The following GPC6 variants were observed in gnomAD, a reference collection of about 807,000 sequenced individuals.
GPC6 encodes glypican 6.
GPC6 carries 14 observed loss-of-function variants against 55.2 expected under a neutral mutation model. The ratio of observed to expected loss-of-function variants is 0.25; its 90% CI spans 0.17 to 0.40. The LOEUF (loss-of-function observed/expected upper bound fraction) is 0.40. Ranked by LOEUF, GPC6 falls within the 10% of genes least tolerant of loss-of-function variation. The pLI is 1.00. For synonymous variants in GPC6, 278 were observed against 259.6 expected, an observed-to-expected ratio of 1.07 and a Z score of -0.68; for missense variants, 641 against 708.5, an observed-to-expected ratio of 0.90 and a Z score of 1.08.
intron 1 of GPC6, among the ~76,000 whole-genome samples, chr13:93,540,128 G>A (rs1325657517): frequency 6.6e-6 from 1 of 152,174 alleles, no homozygotes; most frequent in African/African-American, 2.4e-5. Context: ...GAATGTTTAC[G>A]TGTAACAGCA....
chr13:93,627,311 T>A (rs970155931), intron 2 of GPC6, among the ~76,000 whole-genome samples: 2 of 152,188 alleles, frequency 1.3e-5, no homozygotes, highest in East Asian at 3.9e-4. Flanking sequence ...GCTTCATCCA[T>A]GTCCCTGCAA....
intron 2 of GPC6, among the ~76,000 whole-genome samples, chr13:93,784,802 G>C (rs1041344969): frequency 1.3e-5 from 2 of 152,164 alleles, no homozygotes; most frequent in African/African-American, 4.8e-5. Flanking sequence ...GGCTGATTGT[G>C]ATATGGTGCC....
At chr13:93,329,724 G>A (rs905760385) in intron 1 of GPC6, among the ~76,000 whole-genome samples, 22 of 151,952 alleles carry the variant, frequency 1.4e-4, no homozygotes, top group Admixed American at 7.9e-4. Context: ...CTGAAACACC[G>A]CAAGCGTAAG....
At chr13:93,873,806 G>C (rs1048899711) in intron 3 of GPC6, among the ~76,000 whole-genome samples, 1 of 151,896 alleles carries the variant, frequency 6.6e-6, no homozygotes, top group African/African-American at 2.4e-5. Flanking sequence ...ATTCTAGTAA[G>C]GCCTCACTAT....
chr13:93,777,256 C>T (rs528976001), intron 2 of GPC6, among the ~76,000 whole-genome samples: 51 of 152,284 alleles, frequency 3.3e-4, no homozygotes, highest in African/African-American at 1.1e-3. Flanking sequence ...TGTTTTCTTA[C>T]GTTCTCCACT....
chr13:93,221,244 T>C, the GPC6 span, among the ~76,000 whole-genome samples: 4 of 152,212 alleles, frequency 2.6e-5, no homozygotes, highest in Admixed American at 1.3e-4. Context: ...TAGGTAACGA[T>C]GAGTAAATCT....
intron 2 of GPC6, among the ~76,000 whole-genome samples, chr13:93,619,897 G>C (rs1878879471): frequency 6.6e-6 from 1 of 151,686 alleles, no homozygotes; most frequent in Non-Finnish European, 1.5e-5. Flanking sequence ...TTTGATATAA[G>C]GCATGAAAAT....
intron 2 of GPC6, among the ~76,000 whole-genome samples, chr13:93,828,611 C>T (rs1457836544): frequency 6.6e-6 from 1 of 152,014 alleles, no homozygotes; most frequent in Non-Finnish European, 1.5e-5. Context: ...CTTTATTTTA[C>T]ATTTAGTAAA....
At chr13:93,529,560 G>A (rs145902341) in intron 1 of GPC6, among the ~76,000 whole-genome samples, 2,045 of 120,350 alleles carry the variant, frequency 0.017, 39 homozygotes, top group African/African-American at 0.061. Context: ...CTGTCACCCC[G>A]GCTGGAGTGT....
chr13:93,720,843 C>T (rs1883431108), intron 2 of GPC6, among the ~76,000 whole-genome samples: 1 of 151,992 alleles, frequency 6.6e-6, no homozygotes, highest in Non-Finnish European at 1.5e-5. Context: ...CATTCAGGAG[C>T]AGATTGTTCA....
At chr13:94,294,116 G>GA (rs916629110) in intron 5 of GPC6, among the ~76,000 whole-genome samples, 3 of 152,068 alleles carry the variant, frequency 2.0e-5, no homozygotes, top group Admixed American at 6.6e-5. Flanking sequence ...AGGGAAGGGA[G>GA]AAAAAACCTG....
intron 1 of GPC6, among the ~76,000 whole-genome samples, chr13:93,401,304 G>T (rs559527732): frequency 2.0e-5 from 3 of 151,992 alleles, no homozygotes; most frequent in African/African-American, 7.2e-5. Flanking sequence ...ACCACAGTGA[G>T]GACAGTCAAC....
intron 1 of GPC6, among the ~76,000 whole-genome samples, chr13:93,515,213 T>G (rs1881142320): frequency 6.6e-6 from 1 of 152,156 alleles, no homozygotes; most frequent in South Asian, 2.1e-4. Flanking sequence ...GGGTCCTCAC[T>G]AGATGCCAAA....
intron 1 of GPC6, among the ~76,000 whole-genome samples, chr13:93,367,650 A>G (rs935944933): frequency 2.0e-5 from 3 of 152,032 alleles, no homozygotes; most frequent in African/African-American, 7.2e-5. Flanking sequence ...AGGTTAATGT[A>G]ATTTTTGATA....
chr13:93,742,103 T>C (rs1246634307), intron 2 of GPC6, among the ~76,000 whole-genome samples: 1 of 152,202 alleles, frequency 6.6e-6, no homozygotes, highest in African/African-American at 2.4e-5. Context: ...AGAAAGAACA[T>C]GTACCAAGTT....
chr13:94,378,186 T>TA (rs1244253879), intron 6 of GPC6, among the ~76,000 whole-genome samples: 1 of 152,046 alleles, frequency 6.6e-6, no homozygotes, highest in Non-Finnish European at 1.5e-5. Flanking sequence ...CCCTAAAACT[T>TA]AAAGTATAAT....
At chr13:94,227,498 A>G (rs532990477) in intron 4 of GPC6, among the ~76,000 whole-genome samples, 12 of 152,342 alleles carry the variant, frequency 7.9e-5, no homozygotes, top group African/African-American at 2.9e-4. Context: ...TTTATTCTAA[A>G]TTGCACAAAG....
chr13:93,552,128 T>C (rs1475195144), intron 2 of GPC6, among the ~76,000 whole-genome samples: 1 of 152,190 alleles, frequency 6.6e-6, no homozygotes, highest in Non-Finnish European at 1.5e-5. Flanking sequence ...CTCAGCGACA[T>C]GTATTCCATC....
intron 6 of GPC6, among the ~76,000 whole-genome samples, chr13:94,381,731 G>T (rs1443764715): frequency 6.6e-6 from 1 of 152,148 alleles, no homozygotes; most frequent in Non-Finnish European, 1.5e-5. Flanking sequence ...TACCCTTTCT[G>T]CAAGTGAAAA....
Sources: allele counts gnomAD v4.1 joint callset (sites outside exome capture counted in the v4.1 genomes callset), GRCh38; gene constraint gnomAD v4.1.1; transcripts MANE v1.5; gene names NCBI Gene and HGNC (gene_info 2026-07-23, HGNC 2026-07-21).